The following EPHA3 variants were observed in gnomAD, a reference collection of about 807,000 sequenced individuals.
The protein encoded by EPHA3 is ephrin type-A receptor 3.
In EPHA3, 42 loss-of-function variants were observed where a neutral mutation model predicts 107.1. That is an observed-to-expected ratio of 0.39 (90% CI 0.31 to 0.51). The LOEUF is 0.51. Among genes scored for constraint, EPHA3 ranks in the 20% least tolerant of loss-of-function variants. The pLI, the probability that EPHA3 is intolerant of heterozygous loss-of-function variation, is 0.78. For missense variants in EPHA3, 1,183 were observed against 1,211.2 expected, an observed-to-expected ratio of 0.98 and a Z score of 0.35; for synonymous variants, 461 against 424.8, an observed-to-expected ratio of 1.09 and a Z score of -1.05.
At chr3:89,259,896 C>G (rs1354923507) in intron 3 of EPHA3, among the ~76,000 whole-genome samples, 1 of 152,118 alleles carries the variant, frequency 6.6e-6, no homozygotes, top group Admixed American at 6.6e-5. Flanking sequence ...TCAGATGCCA[C>G]TATAAGTGAG....
intron 3 of EPHA3, among the ~76,000 whole-genome samples, chr3:89,338,867 G>A (rs548538810): frequency 1.3e-5 from 2 of 152,086 alleles, no homozygotes; most frequent in Non-Finnish European, 2.9e-5. Flanking sequence ...TATACTATAC[G>A]ATACTTGAAA....
chr3:89,311,670 T>C (rs1412292659), intron 3 of EPHA3, among the ~76,000 whole-genome samples: 2 of 152,094 alleles, frequency 1.3e-5, no homozygotes, highest in African/African-American at 4.8e-5. Flanking sequence ...TTAAAATTCA[T>C]GTTTATTATT....
At chr3:89,222,279 T>C (rs1576242927) in intron 3 of EPHA3, among the ~76,000 whole-genome samples, 1 of 150,346 alleles carries the variant, frequency 6.7e-6, no homozygotes, top group Non-Finnish European at 1.5e-5. Flanking sequence ...CTGGCTAGCA[T>C]TTCTGTTACA....
At chr3:89,150,830 G>C (rs544540693) in intron 2 of EPHA3, among the ~76,000 whole-genome samples, 1 of 151,996 alleles carries the variant, frequency 6.6e-6, no homozygotes, top group Non-Finnish European at 1.5e-5. Flanking sequence ...AGAAATTACA[G>C]CCTGGTATGG....
At chr3:89,269,303 T>C (rs1259209950) in intron 3 of EPHA3, among the ~76,000 whole-genome samples, 1 of 152,102 alleles carries the variant, frequency 6.6e-6, no homozygotes, top group East Asian at 1.9e-4. Flanking sequence ...ACTTGGAACA[T>C]TAGTTTCCAA....
At chr3:89,359,774 T>TATATATACATATATATACATATATACAC (rs1708050139) in intron 5 of EPHA3, among the ~76,000 whole-genome samples, 2 of 142,864 alleles carry the variant, frequency 1.4e-5, no homozygotes, top group African/African-American at 2.6e-5. Context: ...TATACACACA[T>TATATATACATATATATACATATATACAC]ATATATACAT....
At chr3:89,244,615 A>G (rs1274233096) in intron 3 of EPHA3, among the ~76,000 whole-genome samples, 1 of 152,204 alleles carries the variant, frequency 6.6e-6, no homozygotes, top group Non-Finnish European at 1.5e-5. Flanking sequence ...TATGAATATG[A>G]GAAAAGAAGT....
intron 2 of EPHA3, among the ~76,000 whole-genome samples, chr3:89,196,072 A>G (rs1177984355): frequency 1.3e-5 from 2 of 151,900 alleles, no homozygotes; most frequent in Non-Finnish European, 2.9e-5. Flanking sequence ...TCCTCTGAGG[A>G]CATACAAGAT....
intron 3 of EPHA3, among the ~76,000 whole-genome samples, chr3:89,340,146 A>G (rs1707484787): frequency 6.6e-6 from 1 of 152,224 alleles, no homozygotes; most frequent in African/African-American, 2.4e-5. Context: ...GCTGAAATCA[A>G]TGTTCGATAA....
chr3:89,179,912 T>TC (rs772290622), intron 2 of EPHA3, among the ~76,000 whole-genome samples: 2 of 151,604 alleles, frequency 1.3e-5, no homozygotes, highest in African/African-American at 2.4e-5. Flanking sequence ...AATCAGTGTC[T>TC]CACTGAGAGC....
intron 5 of EPHA3, among the ~76,000 whole-genome samples, chr3:89,380,131 T>C (rs927489424): frequency 1.2e-4 from 19 of 152,188 alleles, no homozygotes; most frequent in African/African-American, 4.6e-4. Flanking sequence ...CATACGTCTA[T>C]GTTGTCCACC....
chr3:89,449,883 A>C lies in EPHA3; in HGVS notation c.2497-294A>C, dbSNP rs189149739. On this transcript the variant is annotated intron_variant, in intron 14 of 16. Transcript: ENST00000336596. ...TATATAACCAAATAATAATTTCTTT[A>C]TAACACCAAATTTGCTCTATCATTT... is the stretch of plus-strand genomic sequence containing the variant. 5.3e-5 allele frequency among the ~76,000 whole-genome samples: 8 copies of C among 152,320 alleles called. No individual in the cohort carries two copies. The East Asian group carries it at 1.5e-3, about 29-fold the overall frequency.
chr3:89,479,519 G>C lies in EPHA3; in HGVS notation c.*17G>C. The C allele has an allele frequency of 1.9e-6, 3 of 1,597,798 alleles. No homozygotes were observed. The highest frequency in any genetic ancestry group is 2.6e-6 in the Non-Finnish European group (3 of 1,165,408). On this transcript the variant is annotated 3_prime_UTR_variant, in exon 17 of 17. Transcript: ENST00000336596. ...CCCGTGTAAAGCACGGGACGGAAGT[G>C]CTTCTGGACGGAAGTGGTGGCTGTG...
chr3:89,450,134 C>A, intron 14 of EPHA3, 43 bp from the exon 15 acceptor site: 1 of 1,500,912 alleles, frequency 6.7e-7, no homozygotes, highest in South Asian at 1.4e-5. Context: ...AGTGACACTT[C>A]CTGAAAACTT....
chr3:89,388,540 A>G (rs569086613), intron 5 of EPHA3, among the ~76,000 whole-genome samples: 1 of 152,316 alleles, frequency 6.6e-6, no homozygotes, highest in South Asian at 2.1e-4. Flanking sequence ...GGTGGAAAAG[A>G]GAGAGATCTA....
At chr3:89,309,256 A>G (rs1706707219) in intron 3 of EPHA3, among the ~76,000 whole-genome samples, 2 of 152,148 alleles carry the variant, frequency 1.3e-5, no homozygotes, top group Non-Finnish European at 2.9e-5. Flanking sequence ...TCTTTCCACA[A>G]ATATTTTCAA....
At chr3:89,346,718 C>A (rs1450373946) in intron 5 of EPHA3, among the ~76,000 whole-genome samples, 1 of 150,348 alleles carries the variant, frequency 6.7e-6, no homozygotes, top group Admixed American at 6.7e-5. Context: ...ATGGTATTGC[C>A]TAGGTTTTCT....
intron 3 of EPHA3, among the ~76,000 whole-genome samples, chr3:89,211,734 C>T (rs531123507): frequency 6.8e-4 from 7 of 10,236 alleles, no homozygotes; most frequent in Admixed American, 1.5e-3. Flanking sequence ...TTTTCTTCTT[C>T]TTCTTCTCCT....
At chr3:89,337,324 T>C (rs1048876161) in intron 3 of EPHA3, among the ~76,000 whole-genome samples, 2 of 152,246 alleles carry the variant, frequency 1.3e-5, no homozygotes, top group Non-Finnish European at 2.9e-5. Flanking sequence ...ATTCCTTCCC[T>C]GTTCAAACTA....
Sources: allele counts gnomAD v4.1 joint callset (sites outside exome capture counted in the v4.1 genomes callset), GRCh38; gene constraint gnomAD v4.1.1; transcripts MANE v1.5; gene names NCBI Gene and HGNC (gene_info 2026-07-23, HGNC 2026-07-21).